BANP: variants seen among roughly 807,000 people sequenced by gnomAD.
The protein encoded by BANP is protein BANP.
BANP carries 11 observed loss-of-function variants against 68.1 expected under a neutral mutation model. The observed-to-expected ratio is 0.16, with a 90% CI of 0.10 to 0.27. The LOEUF is 0.27. Ranked by LOEUF, BANP falls within the 10% of genes least tolerant of loss-of-function variation. The pLI is 1.00. For missense variants in BANP, 504 were observed against 722.7 expected (o/e 0.70, Z 3.47); for synonymous variants, 329 against 303.2 (o/e 1.09, Z -0.88).
At chr16:88,027,421 G>C in intron 7 of BANP, 62 bp from the exon 8 acceptor site, 2 of 1,595,568 alleles carry the variant, frequency 1.3e-6, no homozygotes, top group Non-Finnish European at 1.7e-6. Flanking sequence ...CCTGCAGCCA[G>C]GCAGCTCCTG....
intron 7 of BANP, among the ~76,000 whole-genome samples, chr16:88,021,868 T>G (rs1254500529): frequency 6.6e-6 from 1 of 152,130 alleles, no homozygotes; most frequent in Non-Finnish European, 1.5e-5. Context: ...GATTTAAGTT[T>G]CTCCTTATTT....
intron 8 of BANP, among the ~76,000 whole-genome samples, chr16:88,030,956 C>T (rs569108936): frequency 4.6e-5 from 7 of 152,294 alleles, no homozygotes; most frequent in South Asian, 2.1e-4. Context: ...GGAGAAGTAG[C>T]GCATAAGTAA....
chr16:88,014,432 G>T (rs1206094819), intron 6 of BANP, among the ~76,000 whole-genome samples: 7 of 152,054 alleles, frequency 4.6e-5, no homozygotes, highest in Non-Finnish European at 1.0e-4. Flanking sequence ...AGTCAGGGAG[G>T]TTCTCGGTGT....
chr16:88,052,432 A>T (rs1398230850), intron 11 of BANP, among the ~76,000 whole-genome samples: 1 of 150,486 alleles, frequency 6.6e-6, no homozygotes, highest in Non-Finnish European at 1.5e-5. Flanking sequence ...CATTTTGGAG[A>T]TGAAGACAGT....
At chr16:88,045,555 G>A (rs139963036) in intron 11 of BANP, among the ~76,000 whole-genome samples, 1 of 152,250 alleles carries the variant, frequency 6.6e-6, no homozygotes, top group Non-Finnish European at 1.5e-5. Flanking sequence ...GGACTCCCTC[G>A]TTCATTCCCG....
intron 4 of BANP, among the ~76,000 whole-genome samples, chr16:87,997,045 G>T (rs919451223): frequency 1.3e-5 from 2 of 152,198 alleles, no homozygotes; most frequent in African/African-American, 4.8e-5. Flanking sequence ...CTGTGATGAG[G>T]TGGTTCCCTG....
intron 1 of BANP, among the ~76,000 whole-genome samples, chr16:87,959,455 G>A (rs906128460): frequency 6.6e-6 from 1 of 152,190 alleles, no homozygotes; most frequent in Non-Finnish European, 1.5e-5. Flanking sequence ...GTGGCTGGAT[G>A]GGGAGAGGCC....
chr16:88,044,938 C>T (rs1482505284), intron 11 of BANP, among the ~76,000 whole-genome samples: 15 of 151,898 alleles, frequency 9.9e-5, no homozygotes, highest in African/African-American at 3.1e-4. Flanking sequence ...GCTGAGATCG[C>T]GCCACTGCAC....
At chr16:88,061,985 G>A (rs1033620147) in intron 11 of BANP, among the ~76,000 whole-genome samples, 2 of 152,186 alleles carry the variant, frequency 1.3e-5, no homozygotes, top group African/African-American at 4.8e-5. Context: ...CTAGTATGAG[G>A]AAGCTTCTTT....
intron 12 of BANP, among the ~76,000 whole-genome samples, chr16:88,067,986 T>G (rs2089221955): frequency 6.6e-6 from 1 of 152,146 alleles, no homozygotes; most frequent in African/African-American, 2.4e-5. Context: ...CCCCACTGTC[T>G]GCCTCCTTGT....
rs141916433 is a variant in BANP at position 88,015,813 on chromosome 16, G to A, written c.656-2615G>A. 3.4e-3 allele frequency among the ~76,000 whole-genome samples: 520 copies of A among 152,362 alleles called. 2 individuals are homozygous for A. The highest frequency in any genetic ancestry group is 0.011 in the African/African-American group (452 of 41,594). On this transcript the variant is annotated intron_variant, in intron 6 of 13. Transcript: ENST00000682872. ...TCACTCCATTCGTGCTCCTTTACCC[G>A]GGGCTCTGTACCGGTGCTGCCAGGA...
At chr16:88,053,265 C>T (rs2083785622) in intron 11 of BANP, among the ~76,000 whole-genome samples, 1 of 151,740 alleles carries the variant, frequency 6.6e-6, no homozygotes, top group Non-Finnish European at 1.5e-5. Flanking sequence ...CCACCTCCTT[C>T]ACTATCATCA....
chr16:87,995,112 A>G (rs1328617109), intron 4 of BANP, among the ~76,000 whole-genome samples: 1 of 152,190 alleles, frequency 6.6e-6, no homozygotes, highest in Non-Finnish European at 1.5e-5. Context: ...CCTGGAAGTG[A>G]CACACGTCTC....
At chr16:87,963,000 A>T (rs2059451126) in intron 1 of BANP, among the ~76,000 whole-genome samples, 1 of 152,184 alleles carries the variant, frequency 6.6e-6, no homozygotes, top group Non-Finnish European at 1.5e-5. Context: ...AAATGGAATG[A>T]TTAATTTCTT....
chr16:88,021,055 C>T (rs1181423725), intron 7 of BANP, among the ~76,000 whole-genome samples: 4 of 152,182 alleles, frequency 2.6e-5, no homozygotes, highest in Admixed American at 1.3e-4. Context: ...CTGAGCTTCT[C>T]CTTGCTTGGG....
intron 6 of BANP, among the ~76,000 whole-genome samples, chr16:88,006,991 A>G (rs1259638773): frequency 1.3e-5 from 2 of 151,472 alleles, no homozygotes. Context: ...CAGTATAAAC[A>G]TGAAGATTAA....
Position 88,073,657 on chromosome 16 carries a change from C to A in BANP, c.1521+1445C>A, listed in dbSNP as rs557496878. 1.5e-4 allele frequency among the ~76,000 whole-genome samples: 23 copies of A among 152,286 alleles called. 1 individual carries two copies. In the East Asian group the frequency reaches 4.4e-3, roughly 29 times the overall value. ...GAACAGTCAGGCGTGGCTGCCTCAG[C>A]CCCTGCCGAGGACGCGTGGCAGCCC... On this transcript the variant is annotated intron_variant, in intron 13 of 13. Transcript: ENST00000682872.
At chr16:88,032,804 C>A (rs1290880806) in intron 8 of BANP, among the ~76,000 whole-genome samples, 1 of 152,192 alleles carries the variant, frequency 6.6e-6, no homozygotes, top group Non-Finnish European at 1.5e-5. Flanking sequence ...CCTGAAACAG[C>A]TTTTAATGTC....
Position 87,959,240 on chromosome 16 carries a change from C to T in BANP, c.-69+7725C>T, listed in dbSNP as rs368103308. 1.8e-3 allele frequency among the ~76,000 whole-genome samples: 273 copies of T among 152,366 alleles called. 1 individual carries two copies. Among genetic ancestry groups the T allele is most frequent in the African/African-American group, 6.3e-3 (263 of 41,590 alleles). On this transcript the variant is annotated intron_variant, in intron 1 of 13. Coordinates refer to ENST00000682872, the MANE Select transcript of BANP (RefSeq NM_001386991.1). ...CAGGCACCTTGTTTGTGGACGCTGA[C>T]ATTTGAGTTTTATGTAATTTTCTCA...
Sources: allele counts gnomAD v4.1 joint callset (sites outside exome capture counted in the v4.1 genomes callset), GRCh38; gene constraint gnomAD v4.1.1; transcripts MANE v1.5; gene names NCBI Gene and HGNC (gene_info 2026-07-23, HGNC 2026-07-21).